Variants in DERA observed in about 807,000 individuals in gnomAD.
DERA encodes deoxyribose-phosphate aldolase, also known as 2-deoxy-D-ribose 5-phosphate aldolase.
DERA carries 15 observed loss-of-function variants against 41.1 expected under a neutral mutation model. The observed-to-expected ratio is 0.37, with a 90% CI of 0.24 to 0.56. The LOEUF (loss-of-function observed/expected upper bound fraction) is 0.56. Among genes scored for constraint, DERA ranks in the 20% least tolerant of loss-of-function variants. The pLI is 0.81. For synonymous variants in DERA, 139 were observed against 137.4 expected (o/e 1.01, Z -0.08); for missense variants, 396 against 403.4 (o/e 0.98, Z 0.16).
chr12:15,969,705 C>G (rs555967003), intron 5 of DERA, among the ~76,000 whole-genome samples: 1 of 152,114 alleles, frequency 6.6e-6, no homozygotes, highest in African/African-American at 2.4e-5. Flanking sequence ...TCCTAAAGAC[C>G]TTGAATCAGG....
chr12:16,023,473 C>CTTTT (rs58250786), intron 6 of DERA, among the ~76,000 whole-genome samples: 2,434 of 111,818 alleles, frequency 0.022, 187 homozygotes, highest in African/African-American at 0.087. Context: ...AACTCAAAGT[C>CTTTT]TTTTTTTTTT....
At chr12:16,016,007 CGGTTTT>C (rs1555158963) in intron 6 of DERA, among the ~76,000 whole-genome samples, 1 of 152,058 alleles carries the variant, frequency 6.6e-6, no homozygotes, top group Non-Finnish European at 1.5e-5. Flanking sequence ...CCTCTTCAGG[CGGTTTT>C]AGTATTCTCA....
Position 15,936,892 on chromosome 12 carries a change from TGTCCTGTCCTGTCCTGTCC to T in DERA, c.32-20043_32-20025del, listed in dbSNP as rs1948369739. Among the ~76,000 whole-genome samples, 5 of 126,674 alleles carry T rather than the reference TGTCCTGTCCTGTCCTGTCC, an allele frequency of 3.9e-5. No homozygotes were observed. Among genetic ancestry groups the T allele is most frequent in the Admixed American group, 7.8e-5 (1 of 12,854 alleles). The allele number at this position is 126,674 out of a possible 152,430, so 83.1% of individuals were successfully genotyped here. ...TGTCTTGTCTTGTCTTGTCTTGTCC[TGTCCTGTCCTGTCCTGTCC>T]TGTCCTGTCCTGTCCTGTCCTGTCT... is the stretch of plus-strand genomic sequence containing the variant. On this transcript the variant is annotated intron_variant, in intron 1 of 8. Transcript: ENST00000428559. The surrounding 1 kb of genome is among the most constrained non-coding windows in gnomAD (Gnocchi z 4.6).
rs1011581216 is a variant in DERA at position 16,026,372 on chromosome 12, G to T, written c.638-6170G>T. Among the ~76,000 whole-genome samples the T allele has an allele frequency of 1.3e-5, 2 of 151,486 alleles. No homozygotes were observed. The highest frequency in any genetic ancestry group is 4.8e-5 in the African/African-American group (2 of 41,282). ...AGAAGGGTCATCTCCTCTTCCCATG[G>T]ATATTAAAAGGATTATAAAGGAATG... On this transcript the variant is annotated intron_variant, in intron 6 of 8. Transcript: ENST00000428559. This position sits in a 1 kb window ranked among gnomAD's most constrained non-coding sequence, Gnocchi z 4.4.
intron 5 of DERA, among the ~76,000 whole-genome samples, chr12:15,974,844 C>G (rs1948686668): frequency 6.6e-6 from 1 of 152,208 alleles, no homozygotes; most frequent in Non-Finnish European, 1.5e-5. Flanking sequence ...GATGTGGAAC[C>G]CTACAAAGCC....
intron 4 of DERA, among the ~76,000 whole-genome samples, chr12:15,961,470 G>A (rs1163479468): frequency 6.6e-6 from 1 of 152,104 alleles, no homozygotes; most frequent in Admixed American, 6.5e-5. Context: ...AAAGCCAGAA[G>A]TTTGAGACCA....
chr12:16,025,830 A>G (rs1295204209), intron 6 of DERA, among the ~76,000 whole-genome samples: 1 of 152,108 alleles, frequency 6.6e-6, no homozygotes, highest in Non-Finnish European at 1.5e-5. Context: ...GATTTAAAAG[A>G]CTGAAAATCA....
rs1477253295 is a variant in DERA at position 15,957,787 on chromosome 12, C to G, written c.130-401C>G. Among the ~76,000 whole-genome samples, 1 of 152,170 alleles carries G rather than the reference C, an allele frequency of 6.6e-6. No homozygotes were observed. The highest frequency in any genetic ancestry group is 1.5e-5 in the Non-Finnish European group (1 of 68,030). The stretch of plus-strand genomic sequence containing the variant: ...CTTGGAAACTTTTAAAAATGATAAT[C>G]TCATCCCAGATCCCAGAGCGGGAGG... On this transcript the variant is annotated intron_variant, in intron 2 of 8. Coordinates refer to ENST00000428559, the MANE Select transcript of DERA (RefSeq NM_015954.4). This position sits in a 1 kb window ranked among gnomAD's most constrained non-coding sequence, Gnocchi z 4.8.
Position 15,931,052 on chromosome 12 carries a change from A to C in DERA, c.31+19638A>C, listed in dbSNP as rs1948324095. 6.6e-6 allele frequency among the ~76,000 whole-genome samples: 1 copy of C among 152,206 alleles called. No individual in the cohort carries two copies. The highest frequency in any genetic ancestry group is 1.5e-5 in the Non-Finnish European group (1 of 68,038). On this transcript the variant is annotated intron_variant, in intron 1 of 8. Transcript: ENST00000428559. This position sits in a 1 kb window ranked among gnomAD's most constrained non-coding sequence, Gnocchi z 4.6. ...ATACTTATTTAAATTTAAATGAAAT[A>C]GTTTTCAAATTGTTTTAAGTGTTTT...
intron 1 of DERA, among the ~76,000 whole-genome samples, chr12:15,949,552 A>G (rs1948480840): frequency 6.6e-6 from 1 of 152,178 alleles, no homozygotes; most frequent in South Asian, 2.1e-4. Context: ...TTCGAAAAGC[A>G]CAGTGTTAGG....
At position 15,983,837 on chromosome 12, in the gene DERA, A is replaced by T. The variant is rs987026803; in HGVS notation, c.637+1401A>T. On this transcript the variant is annotated intron_variant, in intron 6 of 8. Transcript: ENST00000428559. The surrounding 1 kb of genome is among the most constrained non-coding windows in gnomAD (Gnocchi z 6.2). ...CTGGGCACAACTGCTGTATCTAGAA[A>T]ATATCTGCAGTTGTTATCTGAGAGC... is the stretch of plus-strand genomic sequence containing the variant. Among the ~76,000 whole-genome samples, 1 of 152,310 alleles carries T rather than the reference A, an allele frequency of 6.6e-6. No homozygotes were observed. The highest frequency in any genetic ancestry group is 3.4e-3 in the Middle Eastern group (1 of 294).
chr12:15,911,641 G>A lies in DERA; in HGVS notation c.31+227G>A, dbSNP rs1295201428. On this transcript the variant is annotated intron_variant, in intron 1 of 8. Coordinates refer to ENST00000428559, the MANE Select transcript of DERA (RefSeq NM_015954.4). This position sits in a 1 kb window ranked among gnomAD's most constrained non-coding sequence, Gnocchi z 4.5. ...AAGCTTTTACTCTTGTATGCGGAAG[G>A]AGTAGGAAAGGGTTAGATTATTATC... is the stretch of plus-strand genomic sequence containing the variant. 4 of 696,200 alleles carry A rather than the reference G, an allele frequency of 5.7e-6. No individual in the cohort carries two copies. The East Asian group carries it at 8.1e-5, about 14-fold the overall frequency. 43.1% of individuals were successfully genotyped at this position (696,200 alleles called of 1,614,324 possible).
intron 1 of DERA, among the ~76,000 whole-genome samples, chr12:15,944,918 G>C (rs1057038591): frequency 5.3e-5 from 8 of 152,164 alleles, no homozygotes; most frequent in Non-Finnish European, 8.8e-5. Context: ...AAGGTGTAAG[G>C]AAGGGATCCA....
chr12:15,958,144 T>C, intron 2 of DERA, 44 bp from the exon 3 acceptor site: 1 of 1,497,416 alleles, frequency 6.7e-7, no homozygotes. Context: ...GGTTGGTTTG[T>C]TTATTTATTA....
intron 6 of DERA, 43 bp from the exon 7 acceptor site, chr12:16,032,499 A>T (rs769667185): frequency 4.3e-5 from 49 of 1,147,172 alleles, no homozygotes; most frequent in Non-Finnish European, 5.7e-5. Context: ...GTGTAAAAAA[A>T]GAATCTTTAA....
At position 15,994,389 on chromosome 12, in the gene DERA, T is replaced by C. The variant is rs1948822785; in HGVS notation, c.637+11953T>C. Among the ~76,000 whole-genome samples, 1 of 152,278 alleles carries C rather than the reference T, an allele frequency of 6.6e-6. No individual in the cohort carries two copies. The highest frequency in any genetic ancestry group is 1.5e-5 in the Non-Finnish European group (1 of 68,052). ...GATTCTGTTATTCCTTTATCTGTAA[T>C]TCCTAGCATATTAACTCTTGGTTAT... On this transcript the variant is annotated intron_variant, in intron 6 of 8. Coordinates refer to ENST00000428559, the MANE Select transcript of DERA (RefSeq NM_015954.4). This position sits in a 1 kb window ranked among gnomAD's most constrained non-coding sequence, Gnocchi z 4.8.
intron 6 of DERA, among the ~76,000 whole-genome samples, chr12:16,023,541 G>A (rs1457486765): frequency 1.4e-5 from 2 of 147,198 alleles, no homozygotes; most frequent in African/African-American, 5.1e-5. Flanking sequence ...GCAGTGGCGG[G>A]ATCTCGGCTC....
chr12:16,014,786 G>A lies in DERA; in HGVS notation c.638-17756G>A, dbSNP rs1035057017. ...CTTGGAAAAGCCACAGACACTCAAT[G>A]CTAGCCCGTGAAAGCAGCCAGGAGG... On this transcript the variant is annotated intron_variant, in intron 6 of 8. Transcript: ENST00000428559. This position sits in a 1 kb window ranked among gnomAD's most constrained non-coding sequence, Gnocchi z 5.4. 1.3e-5 allele frequency among the ~76,000 whole-genome samples: 2 copies of A among 152,184 alleles called. No individual in the cohort carries two copies. Among genetic ancestry groups the A allele is most frequent in the Non-Finnish European group, 2.9e-5 (2 of 68,030 alleles).
intron 1 of DERA, among the ~76,000 whole-genome samples, chr12:15,929,265 A>G (rs1005310637): frequency 5.9e-5 from 9 of 152,212 alleles, no homozygotes; most frequent in Admixed American, 5.9e-4. Flanking sequence ...ATTTGAAAGC[A>G]CTGGGAAAAC....
Sources: gnomAD v4.1 joint callset for allele counts (sites outside exome capture counted in the v4.1 genomes callset) on GRCh38, gnomAD v4.1.1 for gene constraint, Gnocchi (gnomAD v3.1) non-coding constraint, MANE v1.5 for transcripts, NCBI Gene and HGNC (gene_info 2026-07-23, HGNC 2026-07-21) for gene names.